TANGO6: variants seen among roughly 807,000 people sequenced by gnomAD.
TANGO6 encodes the protein transport and Golgi organization protein 6 homolog.
Under a neutral mutation model 114.2 loss-of-function variants are expected in TANGO6, and 90 were observed. The ratio of observed to expected loss-of-function variants is 0.79; its 90% CI spans 0.66 to 0.94. The LOEUF (loss-of-function observed/expected upper bound fraction) is 0.94. TANGO6 is among the 40% of genes least tolerant of loss of function. The probability of loss-of-function intolerance (pLI) is 0.00; values close to 1 mark genes in which losing one functional copy is unlikely to be tolerated. For missense variants in TANGO6, 1,274 were observed against 1,315.3 expected (o/e 0.97, Z 0.49); for synonymous variants, 477 against 509.8 (o/e 0.94, Z 0.87).
intron 14 of TANGO6, chr16:68,948,322 G>A (rs950713229): frequency 2.0e-5 from 3 of 152,158 alleles, no homozygotes. Flanking sequence ...ATTATGACAA[G>A]TTAGCATTTA....
chr16:68,989,738 G>A (rs758531609), intron 15 of TANGO6, among the ~76,000 whole-genome samples: 2 of 152,128 alleles, frequency 1.3e-5, no homozygotes, highest in Non-Finnish European at 2.9e-5. Context: ...ACCCTGAACA[G>A]TGTTAAATTT....
intron 7 of TANGO6, among the ~76,000 whole-genome samples, chr16:68,884,323 G>A (rs566710679): frequency 1.3e-5 from 2 of 152,264 alleles, no homozygotes; most frequent in African/African-American, 4.8e-5. Context: ...TATGGAATCA[G>A]ATTGCTCAGA....
intron 1 of TANGO6, among the ~76,000 whole-genome samples, chr16:68,858,461 C>T (rs551022593): frequency 6.6e-6 from 1 of 152,254 alleles, no homozygotes; most frequent in East Asian, 1.9e-4. Flanking sequence ...TTGTACTTTT[C>T]AAGGAATATT....
rs550933141 is a variant in TANGO6, at chr16:68,893,341, T to C, written c.1378-7093T>C. On this transcript the variant is annotated intron_variant, in intron 7 of 17. Coordinates refer to ENST00000261778, the MANE Select transcript of TANGO6 (RefSeq NM_024562.2). ...AAGTCACACAACTGGTCAGCGGAAA[T>C]ATTCATAAATAACTCTGTGTAAGAC... Among the ~76,000 whole-genome samples, 7 of 152,230 alleles carry C rather than the reference T, an allele frequency of 4.6e-5. No individual in the cohort carries two copies. In the South Asian group the frequency reaches 1.5e-3, roughly 32 times the overall value.
intron 1 of TANGO6, among the ~76,000 whole-genome samples, chr16:68,848,111 A>T (rs564056702): frequency 6.6e-6 from 1 of 151,942 alleles, no homozygotes; most frequent in South Asian, 2.1e-4. Flanking sequence ...TCTCTTTTAA[A>T]TAGAGACAGG....
At chr16:69,060,475 G>GTT in intron 17 of TANGO6, among the ~76,000 whole-genome samples, 1 of 152,166 alleles carries the variant, frequency 6.6e-6, no homozygotes, top group South Asian at 2.1e-4. Flanking sequence ...CATGCCTGTA[G>GTT]TCCCAGCTAC....
intron 4 of TANGO6, chr16:68,867,876 TCA>T (rs2152162462): frequency 6.6e-6 from 1 of 150,596 alleles, no homozygotes; most frequent in South Asian, 2.1e-4. Context: ...GTGTGGTGGC[TCA>T]CACCTGTAAT....
intron 15 of TANGO6, among the ~76,000 whole-genome samples, chr16:69,015,337 A>C (rs1959275068): frequency 6.6e-6 from 1 of 152,120 alleles, no homozygotes; most frequent in Non-Finnish European, 1.5e-5. Flanking sequence ...GTAGCAAGTG[A>C]GCCCAGAGCC....
intron 17 of TANGO6, among the ~76,000 whole-genome samples, chr16:69,063,843 T>TATTATTATA (rs1227947523): frequency 2.1e-5 from 3 of 146,294 alleles, no homozygotes; most frequent in African/African-American, 5.0e-5. Flanking sequence ...TTATTATTAT[T>TATTATTATA]ATATTATTTT....
Position 68,862,942 on chromosome 16 carries a change from T to C in TANGO6, c.736-3T>C, listed in dbSNP as rs192994458. On this transcript the variant is annotated splice_region_variant and splice_polypyrimidine_tract_variant and intron_variant, in intron 2 of 17. Coordinates refer to ENST00000261778, the MANE Select transcript of TANGO6 (RefSeq NM_024562.2). ...ACTAAAGCCAAGTGCATATTTCTTT[T>C]AGGTTCTAACTGAAGAGGAGAGAAC... 6.0e-5 allele frequency: 94 copies of C among 1,577,160 alleles called. No individual in the cohort carries two copies. Among genetic ancestry groups the C allele is most frequent in the Non-Finnish European group, 7.3e-5 (85 of 1,159,688 alleles).
chr16:69,021,180 G>C (rs2152227661), intron 15 of TANGO6, among the ~76,000 whole-genome samples: 1 of 152,174 alleles, frequency 6.6e-6, no homozygotes, highest in African/African-American at 2.4e-5. Context: ...GTCCTGCAAG[G>C]CCCTTCATGA....
intron 11 of TANGO6, among the ~76,000 whole-genome samples, chr16:68,913,080 A>C (rs921412054): frequency 7.9e-5 from 12 of 151,578 alleles, no homozygotes; most frequent in Non-Finnish European, 1.6e-4. Flanking sequence ...ACTCAAAAAA[A>C]AAAAAAAAAA....
intron 7 of TANGO6, among the ~76,000 whole-genome samples, chr16:68,896,745 A>G (rs1285076820): frequency 6.6e-6 from 1 of 152,162 alleles, no homozygotes; most frequent in African/African-American, 2.4e-5. Context: ...GAGGCCATTG[A>G]CATTCTTTAA....
At chr16:69,041,395 G>A (rs996368986) in intron 17 of TANGO6, among the ~76,000 whole-genome samples, 1 of 150,902 alleles carries the variant, frequency 6.6e-6, no homozygotes, top group Non-Finnish European at 1.5e-5. Context: ...GCAGTGAGCC[G>A]AGATCTTGCC....
rs530589881 is a variant in TANGO6 at position 68,979,215 on chromosome 16, C to T, written c.2842+5047C>T. The stretch of plus-strand genomic sequence containing the variant: ...AGATTAAGGCGTAAACCACAGCACC[C>T]AGCCTGAAGTATATGAATTTTTTTT... On this transcript the variant is annotated intron_variant, in intron 15 of 17. Transcript: ENST00000261778. 1.2e-3 allele frequency among the ~76,000 whole-genome samples: 188 copies of T among 152,008 alleles called. 1 individual carries two copies. The highest frequency in any genetic ancestry group is 4.4e-3 in the African/African-American group (184 of 41,494).
At chr16:69,077,098 G>A (rs188028395) in intron 17 of TANGO6, among the ~76,000 whole-genome samples, 77 of 151,982 alleles carry the variant, frequency 5.1e-4, no homozygotes, top group African/African-American at 1.7e-3. Context: ...ATAGAGTGCA[G>A]TGGCACGATC....
intron 16 of TANGO6, among the ~76,000 whole-genome samples, chr16:69,038,388 C>CCACT (rs955524042): frequency 2.1e-4 from 32 of 152,006 alleles, no homozygotes; most frequent in Admixed American, 1.4e-3. Context: ...CAAGATTGTA[C>CCACT]CACTGCACTC....
chr16:68,970,740 G>A (rs1963694771), intron 14 of TANGO6, among the ~76,000 whole-genome samples: 2 of 151,012 alleles, frequency 1.3e-5, no homozygotes, highest in Admixed American at 1.3e-4. Flanking sequence ...AGAAAAGCTA[G>A]AAATAGATCA....
chr16:69,071,024 T>A (rs1457742477), intron 17 of TANGO6, among the ~76,000 whole-genome samples: 1 of 152,126 alleles, frequency 6.6e-6, no homozygotes, highest in Admixed American at 6.5e-5. Context: ...TCCACCCACC[T>A]CTGGCCTCCC....
Sources: allele counts gnomAD v4.1 joint callset (sites outside exome capture counted in the v4.1 genomes callset), GRCh38; gene constraint gnomAD v4.1.1; transcripts MANE v1.5; gene names NCBI Gene and HGNC (gene_info 2026-07-23, HGNC 2026-07-21).